Variants in ABCB11 observed in about 807,000 individuals in gnomAD.
The protein encoded by ABCB11 is bile salt export pump.
Under a neutral mutation model 148.0 loss-of-function variants are expected in ABCB11, and 95 were observed. The observed-to-expected ratio is 0.64, with a 90% CI of 0.54 to 0.76. The LOEUF (loss-of-function observed/expected upper bound fraction) is 0.76, where lower values mean the gene tolerates loss of function less well. Ranked by LOEUF, ABCB11 falls within the 30% of genes least tolerant of loss-of-function variation. The pLI, the probability that ABCB11 is intolerant of heterozygous loss-of-function variation, is 0.00. For synonymous variants in ABCB11, 591 were observed against 555.4 expected (o/e 1.06, Z -0.90); for missense variants, 1,523 against 1,617.8 (o/e 0.94, Z 1.01).
chr2:168,993,653 T>C, intron 8 of ABCB11, 58 bp downstream of exon 8: 1 of 1,505,082 alleles, frequency 6.6e-7, no homozygotes. Context: ...CTTCACATTT[T>C]TGGCTGTTTA....
In ABCB11 at chr2:168,937,800, A is replaced by G. The variant is rs142312824; in HGVS notation, c.2611-1367T>C. Among the ~76,000 whole-genome samples the G allele has an allele frequency of 2.5e-3, 384 of 152,344 alleles. 3 individuals are homozygous for G. Among genetic ancestry groups the G allele is most frequent in the African/African-American group, 7.9e-3 (328 of 41,586 alleles). ...TGGTACAAAGTTACATGCTGCTGTA[A>G]TACACAGCTATTTAGTCAATGCAGA... On this transcript the variant is annotated intron_variant, in intron 21 of 27. Transcript: ENST00000650372.
chr2:169,018,992 G>A (rs1054291095), intron 1 of ABCB11, among the ~76,000 whole-genome samples: 8 of 151,882 alleles, frequency 5.3e-5, no homozygotes, highest in Non-Finnish European at 1.0e-4. Context: ...GAGTTTAGCT[G>A]GCGAGAGGAC....
downstream of ABCB11, among the ~76,000 whole-genome samples, chr2:168,917,313 G>A (rs1690959933): frequency 6.6e-6 from 1 of 152,006 alleles, no homozygotes; most frequent in African/African-American, 2.4e-5. Flanking sequence ...TTAACTGAGA[G>A]CCTGTTTTCA....
chr2:168,970,562 T>A (rs1693540319), intron 14 of ABCB11: 33 of 384,282 alleles, frequency 8.6e-5, no homozygotes, highest in South Asian at 7.2e-4. Context: ...CCGTGTCTCT[T>A]TGCTCCTGTT....
intron 16 of ABCB11, 52 bp from the exon 17 acceptor site, chr2:168,968,542 T>C (rs368253445): frequency 1.4e-5 from 20 of 1,414,864 alleles, no homozygotes; most frequent in Non-Finnish European, 1.7e-5. Flanking sequence ...AACAGAACCA[T>C]ATCCAAGTAG....
intron 3 of ABCB11, among the ~76,000 whole-genome samples, chr2:169,015,273 C>G (rs1695318386): frequency 6.6e-6 from 1 of 152,180 alleles, no homozygotes; most frequent in African/African-American, 2.4e-5. Flanking sequence ...TCTCCTTAAG[C>G]CAGGCTGCTG....
chr2:168,927,884 A>T (rs1691386225), intron 25 of ABCB11, among the ~76,000 whole-genome samples: 1 of 152,196 alleles, frequency 6.6e-6, no homozygotes, highest in African/African-American at 2.4e-5. Flanking sequence ...ATATATTTGA[A>T]TCACCTGCCA....
intron 1 of ABCB11, among the ~76,000 whole-genome samples, chr2:169,024,891 T>C (rs976440265): frequency 2.0e-5 from 3 of 152,182 alleles, no homozygotes; most frequent in Non-Finnish European, 2.9e-5. Flanking sequence ...ATGAGGCTGG[T>C]TTAAAATATA....
intron 19 of ABCB11, among the ~76,000 whole-genome samples, chr2:168,956,654 C>T (rs968003523): frequency 6.6e-6 from 1 of 151,484 alleles, no homozygotes; most frequent in East Asian, 2.0e-4. Context: ...CTCCTTGAAG[C>T]AGTGCAGAGG....
rs1406897984 is a variant in ABCB11, at chr2:168,994,685, G to T, written c.611+664C>A. On this transcript the variant is annotated intron_variant, in intron 7 of 27. Transcript: ENST00000650372. Reference sequence around the variant, plus strand: ...TCAAGAGCACAAGTGCAAGGCAATTGCTCCAGAATATTTATTGAATATAAT... The same window carrying T: ...TCAAGAGCACAAGTGCAAGGCAATTTCTCCAGAATATTTATTGAATATAAT... Among the ~76,000 whole-genome samples, 5 of 152,046 alleles carry T rather than the reference G, an allele frequency of 3.3e-5. No individual in the cohort carries two copies. In the East Asian group the frequency reaches 7.7e-4, roughly 23 times the overall value.
chr2:168,952,673 C>CTTTTTTTTTTTTTTTT (rs1559197882), intron 19 of ABCB11, among the ~76,000 whole-genome samples: 1 of 111,198 alleles, frequency 9.0e-6, no homozygotes, highest in Admixed American at 9.3e-5. Flanking sequence ...TTCATTGCTC[C>CTTTTTTTTTTTTTTTT]TTTGTTTTTT....
chr2:169,015,239 C>A (rs1047647310), intron 3 of ABCB11, among the ~76,000 whole-genome samples: 4 of 152,174 alleles, frequency 2.6e-5, no homozygotes, highest in Non-Finnish European at 5.9e-5. Context: ...CTTCATCCTG[C>A]ATCCATCCAG....
intron 23 of ABCB11, among the ~76,000 whole-genome samples, chr2:168,934,045 C>T (rs1691707802): frequency 6.6e-6 from 1 of 152,048 alleles, no homozygotes; most frequent in Admixed American, 6.6e-5. Flanking sequence ...CCACCGCACC[C>T]AGCCTGTAGC....
Position 168,936,380 on chromosome 2 carries a change from C to G in ABCB11, c.2664G>C (p.Val888=), listed in dbSNP as rs1415966514. 1.2e-6 allele frequency: 2 copies of G among 1,613,772 alleles called. No homozygotes were observed. Among genetic ancestry groups the G allele is most frequent in the African/African-American group, 2.7e-5 (2 of 74,888 alleles). The part of the protein sequence containing the change: ...MIVNSFTNVT[V]AMIIAFSFSW... ...TAAAGGAGAAGGCAATGATCATGGC[C>G]ACAGTGACGTTAGTGAAGGAATTGA... The change falls in exon 22 of 28, where the codon GTG becomes GTC. Residue 888 remains valine (V), a synonymous_variant. Transcript: ENST00000650372.
In ABCB11 at chr2:169,029,965, CT is replaced by C. The variant is rs1459527227; in HGVS notation, c.-28+1259del. Among the ~76,000 whole-genome samples, 2 of 122,182 alleles carry C rather than the reference CT, an allele frequency of 1.6e-5. 1 individual carries two copies. Among genetic ancestry groups the C allele is most frequent in the African/African-American group, 6.5e-5 (2 of 30,952 alleles). 80.2% of individuals were successfully genotyped at this position (122,182 alleles called of 152,430 possible). A position where few individuals can be genotyped will look rare whatever the true frequency, so the allele number is the denominator to read the frequency against. On this transcript the variant is annotated intron_variant, in intron 1 of 27. Coordinates refer to ENST00000650372, the MANE Select transcript of ABCB11 (RefSeq NM_003742.4). ...CCGTGTTAGCCAGGATGGTCTCGAT[CT>C]CTTGACCTCATGATCCACCCGCCTC...
chr2:169,003,644 C>T lies in ABCB11; in HGVS notation c.390-6922G>A, dbSNP rs116323691. Among the ~76,000 whole-genome samples the T allele has an allele frequency of 6.0e-3, 913 of 152,080 alleles. 9 individuals carry two copies. Among genetic ancestry groups the T allele is most frequent in the African/African-American group, 0.021 (862 of 41,500 alleles). ...ATTACTGGATCAAACGGTAGATCTA[C>T]GTTTACTTCTTTAAGGAATCACACA... On this transcript the variant is annotated intron_variant, in intron 5 of 27. Coordinates refer to ENST00000650372, the MANE Select transcript of ABCB11 (RefSeq NM_003742.4).
chr2:169,031,209 A>T lies in ABCB11; in HGVS notation c.-28+16T>A, dbSNP rs779875562. On this transcript the variant is annotated intron_variant, in intron 1 of 27. Transcript: ENST00000650372. ...AAGAGGGAATGGATTTGCAGAGACA[A>T]GTATAAGTTACTTACCTGTGAATAT... 6.6e-6 allele frequency: 1 copy of T among 152,264 alleles called. No homozygotes were observed. Among genetic ancestry groups the T allele is most frequent in the Non-Finnish European group, 1.5e-5 (1 of 68,052 alleles). The allele number at this position is 152,264 out of a possible 1,614,324, so 9.4% of individuals were successfully genotyped here.
intron 17 of ABCB11, among the ~76,000 whole-genome samples, 164 bp from the exon 18 acceptor site, chr2:168,964,472 T>C (rs765543582): frequency 1.3e-5 from 2 of 151,758 alleles, no homozygotes; most frequent in Non-Finnish European, 2.9e-5. Flanking sequence ...ACAGAGCTAA[T>C]CTTAGGGCAG....
Position 169,028,649 on chromosome 2 carries a change from C to G in ABCB11, c.-28+2576G>C, listed in dbSNP as rs543523820. On this transcript the variant is annotated intron_variant, in intron 1 of 27. Transcript: ENST00000650372. ...TACCACTGAGAACTTGGGACCTTATCCTAAAGGCCATGGGAAGCTAATGAA... is the reference window on the plus strand; with the variant it reads ...TACCACTGAGAACTTGGGACCTTATGCTAAAGGCCATGGGAAGCTAATGAA... Among the ~76,000 whole-genome samples, 4 of 152,038 alleles carry G rather than the reference C, an allele frequency of 2.6e-5. No individual in the cohort carries two copies. The South Asian group carries it at 8.4e-4, about 32-fold the overall frequency.
Sources: gnomAD v4.1 joint callset for allele counts (sites outside exome capture counted in the v4.1 genomes callset) on GRCh38, gnomAD v4.1.1 for gene constraint, MANE v1.5 for transcripts, NCBI Gene and HGNC (gene_info 2026-07-23, HGNC 2026-07-21) for gene names.